Variants in ERBB4 observed in about 807,000 individuals in gnomAD.
ERBB4 encodes the protein receptor tyrosine-protein kinase erbB-4.
Under a neutral mutation model 158.0 loss-of-function variants are expected in ERBB4, and 42 were observed. The observed-to-expected ratio is 0.27, with a 90% CI of 0.21 to 0.34. ERBB4 has a LOEUF of 0.34. Ranked by LOEUF, ERBB4 falls within the 10% of genes least tolerant of loss-of-function variation. ERBB4 has a pLI of 1.00. For synonymous variants in ERBB4, 583 were observed against 558.7 expected (o/e 1.04, Z -0.61); for missense variants, 1,333 against 1,624.1 (o/e 0.82, Z 3.08).
rs188007274 is a variant in ERBB4 at position 212,076,108 on chromosome 2, G to T, written c.234+48644C>A. ...AAAATATTTTATAGACACCTCAATT[G>T]GTTTGTTATGATGAATCTATTATGT... On this transcript the variant is annotated intron_variant, in intron 2 of 27. Coordinates refer to ENST00000342788, the MANE Select transcript of ERBB4 (RefSeq NM_005235.3). 2.0e-5 allele frequency among the ~76,000 whole-genome samples: 3 copies of T among 151,752 alleles called. No individual in the cohort carries two copies. In the East Asian group the frequency reaches 5.8e-4, roughly 29 times the overall value.
chr2:211,569,014 T>C (rs2067635409), intron 19 of ERBB4, among the ~76,000 whole-genome samples: 1 of 152,190 alleles, frequency 6.6e-6, no homozygotes. Flanking sequence ...GAGGCTGAAT[T>C]AATATGCCTT....
At position 212,445,667 on chromosome 2, in the gene ERBB4, A is replaced by G. The variant is rs547008304; in HGVS notation, c.82+92782T>C. On this transcript the variant is annotated intron_variant, in intron 1 of 27. Transcript: ENST00000342788. Reference sequence around the variant, plus strand: ...GCATAGCTTAGTATTACCATGCCCTATGATTGGGGTCAATGGGAAATTACA... The same window carrying G: ...GCATAGCTTAGTATTACCATGCCCTGTGATTGGGGTCAATGGGAAATTACA... Among the ~76,000 whole-genome samples the G allele has an allele frequency of 5.3e-5, 8 of 152,324 alleles. No individual in the cohort carries two copies. In the South Asian group the frequency reaches 6.2e-4, roughly 12 times the overall value.
intron 12 of ERBB4, 133 bp from the exon 13 acceptor site, chr2:211,679,317 C>T: frequency 1.1e-6 from 1 of 916,220 alleles, no homozygotes; most frequent in Non-Finnish European, 1.7e-6. Context: ...TGGCCTATCC[C>T]ATCGTCATGT....
chr2:212,139,551 A>AT (rs781714506), intron 1 of ERBB4, among the ~76,000 whole-genome samples: 21 of 152,030 alleles, frequency 1.4e-4, no homozygotes, highest in Non-Finnish European at 2.7e-4. Flanking sequence ...ATAATTGATG[A>AT]TTTTTTTCCT....
intron 2 of ERBB4, among the ~76,000 whole-genome samples, chr2:211,969,831 C>CA (rs887431453): frequency 1.3e-5 from 2 of 151,206 alleles, no homozygotes; most frequent in African/African-American, 2.4e-5. Context: ...TAATTTTTTT[C>CA]AAAAAAACAG....
At chr2:211,777,978 A>G in intron 4 of ERBB4, 1 of 152,320 alleles carries the variant, frequency 6.6e-6, no homozygotes, top group South Asian at 2.1e-4. Flanking sequence ...TTGAACGCAA[A>G]TAAACCACTT....
At chr2:211,533,826 C>T (rs1476264848) in intron 20 of ERBB4, among the ~76,000 whole-genome samples, 1 of 151,946 alleles carries the variant, frequency 6.6e-6, no homozygotes, top group African/African-American at 2.4e-5. Flanking sequence ...AGCTGAAAAA[C>T]ATGGTCAGTA....
intron 2 of ERBB4, among the ~76,000 whole-genome samples, chr2:211,971,976 CCCTGTTT>C (rs2081467212): frequency 6.6e-6 from 1 of 152,100 alleles, no homozygotes; most frequent in African/African-American, 2.4e-5. Context: ...GTCAAACTAC[CCCTGTTT>C]GTGGATAACA....
chr2:211,861,363 T>TTTTTTTTTTTTTTTTCTTTTTTTTTTG (rs2078050587), intron 3 of ERBB4, among the ~76,000 whole-genome samples: 1 of 99,770 alleles, frequency 1.0e-5, no homozygotes, highest in Non-Finnish European at 1.9e-5. Flanking sequence ...TTTTTTTTTT[T>TTTTTTTTTTTTTTTTCTTTTTTTTTTG]TTTTTTACTT....
chr2:211,676,395 G>C (rs1298557624), intron 13 of ERBB4, among the ~76,000 whole-genome samples: 2 of 152,142 alleles, frequency 1.3e-5, no homozygotes, highest in Non-Finnish European at 2.9e-5. Flanking sequence ...ATAAAAAACA[G>C]TGTGGTAATC....
chr2:212,026,767 T>C (rs2076781293), intron 2 of ERBB4, among the ~76,000 whole-genome samples: 1 of 151,872 alleles, frequency 6.6e-6, no homozygotes, highest in Non-Finnish European at 1.5e-5. Flanking sequence ...ATTCAGTTCA[T>C]TTATGCAATC....
intron 2 of ERBB4, among the ~76,000 whole-genome samples, chr2:212,036,071 A>G (rs1226139208): frequency 6.6e-6 from 1 of 152,188 alleles, no homozygotes; most frequent in African/African-American, 2.4e-5. Context: ...TTATATATCA[A>G]TAATTAATAT....
At chr2:211,513,284 G>A (rs1265412235) in intron 20 of ERBB4, among the ~76,000 whole-genome samples, 2 of 147,608 alleles carry the variant, frequency 1.4e-5, no homozygotes, top group Non-Finnish European at 3.0e-5. Flanking sequence ...CCGGGAAGCG[G>A]AGCTTGCAGT....
At chr2:212,510,586 A>C (rs1691462827) in intron 1 of ERBB4, among the ~76,000 whole-genome samples, 1 of 152,048 alleles carries the variant, frequency 6.6e-6, no homozygotes, top group Non-Finnish European at 1.5e-5. Flanking sequence ...TCATGGTAGG[A>C]TCAAAATGAA....
chr2:211,710,714 G>A (rs2073665423), intron 9 of ERBB4, among the ~76,000 whole-genome samples: 1 of 151,960 alleles, frequency 6.6e-6, no homozygotes, highest in Non-Finnish European at 1.5e-5. Flanking sequence ...CTGTTCTCAT[G>A]ATAGTGAATA....
intron 3 of ERBB4, among the ~76,000 whole-genome samples, chr2:211,880,323 A>T (rs1446660145): frequency 6.6e-6 from 1 of 152,150 alleles, no homozygotes; most frequent in East Asian, 1.9e-4. Context: ...ATTTACCACT[A>T]TGTGGTACGC....
intron 1 of ERBB4, among the ~76,000 whole-genome samples, chr2:212,472,610 C>G (rs994205797): frequency 6.6e-6 from 1 of 150,884 alleles, no homozygotes; most frequent in African/African-American, 2.4e-5. Context: ...TTGGAAAGAG[C>G]GGTACTTCTC....
intron 20 of ERBB4, among the ~76,000 whole-genome samples, chr2:211,499,860 C>T (rs1397042721): frequency 2.0e-5 from 3 of 151,884 alleles, no homozygotes; most frequent in African/African-American, 2.4e-5. Context: ...TTTTTTTTGG[C>T]TTCAACCTCA....
In ERBB4 at chr2:211,704,151, G is replaced by A. The variant is rs2106045597; in HGVS notation, c.1242C>T (p.Phe414=). Residue 414 remains phenylalanine, a synonymous_variant, in exon 11 of 28, where the codon TTC becomes TTT. Coordinates refer to ENST00000342788, the MANE Select transcript of ERBB4 (RefSeq NM_005235.3). Reference sequence around the variant, plus strand: ...TGGTCACCAGGTTAGAAAAAACACTGAAGTCAGTCATGTTTGGTGGCCATG... The same window carrying A: ...TGGTCACCAGGTTAGAAAAAACACTAAAGTCAGTCATGTTTGGTGGCCATG... ...IQSWPPNMTD[F]SVFSNLVTIG... 2 of 1,613,126 alleles carry A rather than the reference G, an allele frequency of 1.2e-6. No individual in the cohort carries two copies. Among genetic ancestry groups the A allele is most frequent in the African/African-American group, 1.3e-5 (1 of 75,026 alleles).
Sources: gnomAD v4.1 joint callset for allele counts (sites outside exome capture counted in the v4.1 genomes callset) on GRCh38, gnomAD v4.1.1 for gene constraint, MANE v1.5 for transcripts, NCBI Gene and HGNC (gene_info 2026-07-23, HGNC 2026-07-21) for gene names.